AKR1C4: variants seen among roughly 807,000 people sequenced by gnomAD.
AKR1C4 encodes the protein 3-alpha-HSD1.
AKR1C4 carries 44 observed loss-of-function variants against 41.0 expected under a neutral mutation model. The observed-to-expected ratio is 1.07, with a 90% CI of 0.84 to 1.38. The LOEUF is 1.38. AKR1C4 is among the 40% of genes most tolerant of loss of function. The probability of loss-of-function intolerance (pLI) is 0.00; values close to 1 mark genes in which losing one functional copy is unlikely to be tolerated. For missense variants in AKR1C4, 438 were observed against 387.9 expected (o/e 1.13, Z -1.09); for synonymous variants, 165 against 137.7 (o/e 1.20, Z -1.39).
rs782642384 is a variant in AKR1C4 at position 5,196,931 on chromosome 10, G to A, written c.64G>A (p.Gly22Ser). The A allele has an allele frequency of 1.2e-6, 2 of 1,614,034 alleles. No individual in the cohort carries two copies. Among genetic ancestry groups the A allele is most frequent in the Non-Finnish European group, 1.7e-6 (2 of 1,179,916 alleles). ...DGHFMPVLGFGTYAPPEVPRN... is the reference protein window; with the variant it reads ...DGHFMPVLGFSTYAPPEVPRN... ...TCACTTCATGCCCGTATTGGGATTT[G>A]GCACCTATGCACCTCCAGAGGTAAT... Residue 22 changes from glycine to serine, a missense_variant, in exon 1 of 9, where the codon GGC becomes AGC. Coordinates refer to ENST00000263126, the MANE Select transcript of AKR1C4 (RefSeq NM_001818.5).
intron 2 of AKR1C4, chr10:5,202,450 C>T (rs1241086170): frequency 2.2e-6 from 1 of 455,792 alleles, no homozygotes; most frequent in South Asian, 1.6e-5. Context: ...TACTGGCAAA[C>T]AGCAATACTT....
intron 7 of AKR1C4, among the ~76,000 whole-genome samples, chr10:5,214,682 CTTT>C (rs112625012): frequency 0.11 from 17,159 of 152,064 alleles, 1,178 homozygotes; most frequent in Admixed American, 0.17. Flanking sequence ...CTTTGGATAA[CTTT>C]TTTTGAGAAT....
intron 8 of AKR1C4, 123 bp downstream of exon 8, chr10:5,216,916 ACT>A (rs1832665420): frequency 3.2e-6 from 2 of 620,382 alleles, no homozygotes; most frequent in East Asian, 5.9e-5. Flanking sequence ...TGAGACAGGA[ACT>A]CTCTGGAACT....
intron 5 of AKR1C4, among the ~76,000 whole-genome samples, chr10:5,211,202 C>T (rs559403295): frequency 3.9e-5 from 6 of 152,320 alleles, no homozygotes; most frequent in African/African-American, 1.2e-4. Flanking sequence ...AGACATTTTC[C>T]CCATTGTCTT....
chr10:5,205,531 C>T (rs1372549550), intron 3 of AKR1C4, among the ~76,000 whole-genome samples: 3 of 152,126 alleles, frequency 2.0e-5, no homozygotes, highest in Non-Finnish European at 2.9e-5. Context: ...CCATTAAAAC[C>T]TGTAAAATGG....
At chr10:5,210,413 G>T (rs962425011) in intron 5 of AKR1C4, among the ~76,000 whole-genome samples, 1 of 152,158 alleles carries the variant, frequency 6.6e-6, no homozygotes, top group Non-Finnish European at 1.5e-5. Flanking sequence ...TCTGGAGGAT[G>T]GTGGCCCTTT....
chr10:5,214,453 G>A (rs1832625163), intron 7 of AKR1C4, among the ~76,000 whole-genome samples: 1 of 152,136 alleles, frequency 6.6e-6, no homozygotes, highest in African/African-American at 2.4e-5. Flanking sequence ...CAACAAAAGG[G>A]CTAATATTTT....
In AKR1C4 at chr10:5,204,478, C is replaced by T. The variant is rs782452602; in HGVS notation, c.354C>T (p.Phe118=). The T allele has an allele frequency of 6.2e-7, 1 of 1,611,406 alleles. No individual in the cohort carries two copies. The highest frequency in any genetic ancestry group is 8.5e-7 in the Non-Finnish European group (1 of 1,177,606). The stretch of plus-strand genomic sequence containing the variant: ...ATGTTGACCTCTATCTTCTTCATTT[C>T]CCAATGGCTCTCAAGGTAGGGAATT... ...LDYVDLYLLH[F]PMALKPGETP... is the part of the protein sequence containing the mutation. The change falls in exon 3 of 9, where the codon TTC becomes TTT. Residue 118 remains phenylalanine (F), a synonymous_variant. Coordinates refer to ENST00000263126, the MANE Select transcript of AKR1C4 (RefSeq NM_001818.5).
chr10:5,218,592 C>T (rs1832690278), intron 8 of AKR1C4, 126 bp from the exon 9 acceptor site: 1 of 632,236 alleles, frequency 1.6e-6, no homozygotes, highest in Non-Finnish European at 2.7e-6. Flanking sequence ...AGACATTCTA[C>T]AAATAGTCCG....
At chr10:5,199,744 C>A (rs1267316799) in intron 1 of AKR1C4, among the ~76,000 whole-genome samples, 3 of 152,082 alleles carry the variant, frequency 2.0e-5, no homozygotes, top group South Asian at 4.2e-4. Context: ...TGACTTCCCC[C>A]CAAGCTACCT....
At chr10:5,211,607 G>A (rs1554797923) in intron 5 of AKR1C4, among the ~76,000 whole-genome samples, 1 of 152,136 alleles carries the variant, frequency 6.6e-6, no homozygotes, top group Admixed American at 6.5e-5. Flanking sequence ...AAGTCTCTAG[G>A]AAGTTCCGGA....
intron 5 of AKR1C4, chr10:5,207,717 G>A: frequency 1.8e-6 from 1 of 566,856 alleles, no homozygotes; most frequent in Non-Finnish European, 3.1e-6. Flanking sequence ...TGATAATGAA[G>A]AGAAAAATAT....
At position 5,209,558 on chromosome 10, in the gene AKR1C4, C is replaced by T. The variant is rs886689528; in HGVS notation, c.571-3058C>T. On this transcript the variant is annotated intron_variant, in intron 5 of 8. Transcript: ENST00000263126. Reference sequence around the variant, plus strand: ...TCCATTTTCATGCTACTGATAAAGACACATCCAAGACTGGGACTTATAGTT... The same window carrying T: ...TCCATTTTCATGCTACTGATAAAGATACATCCAAGACTGGGACTTATAGTT... Among the ~76,000 whole-genome samples, 32 of 152,062 alleles carry T rather than the reference C, an allele frequency of 2.1e-4. 1 individual carries two copies. The highest frequency in any genetic ancestry group is 7.2e-4 in the African/African-American group (30 of 41,386).
At chr10:5,210,672 C>T (rs530271219) in intron 5 of AKR1C4, among the ~76,000 whole-genome samples, 29 of 151,452 alleles carry the variant, frequency 1.9e-4, no homozygotes, top group Non-Finnish European at 2.4e-4. Flanking sequence ...AGTGCAATGG[C>T]GCTATCTCAG....
At chr10:5,214,917 ATT>A in intron 7 of AKR1C4, among the ~76,000 whole-genome samples, 1 of 152,216 alleles carries the variant, frequency 6.6e-6, no homozygotes, top group Middle Eastern at 3.4e-3. Context: ...TCAAGAAACT[ATT>A]TGTGTTCTTT....
intron 7 of AKR1C4, among the ~76,000 whole-genome samples, chr10:5,213,624 A>G (rs1289339554): frequency 3.3e-5 from 5 of 152,196 alleles, no homozygotes; most frequent in Admixed American, 2.6e-4. Flanking sequence ...GATCATAATT[A>G]TACTGAGTAA....
chr10:5,205,949 T>C lies in AKR1C4; in HGVS notation c.447+115T>C, dbSNP rs185263385. ...CCATTGGAACTAGAAATTAAGGAGC[T>C]TGACAAAGGAAGTTTTGCTGAGTGG... On this transcript the variant is annotated intron_variant, in intron 4 of 8. Coordinates refer to ENST00000263126, the MANE Select transcript of AKR1C4 (RefSeq NM_001818.5). The C allele has an allele frequency of 3.2e-4, 374 of 1,162,638 alleles. 2 individuals carry two copies. In the African/African-American group the frequency reaches 5.2e-3, roughly 16 times the overall value. The allele number at this position is 1,162,638 out of a possible 1,614,324, so 72.0% of individuals were successfully genotyped here. A position where few individuals can be genotyped will look rare whatever the true frequency, so the allele number is the denominator to read the frequency against.
intron 7 of AKR1C4, 53 bp from the exon 8 acceptor site, chr10:5,216,658 C>A: frequency 7.1e-7 from 1 of 1,408,918 alleles, no homozygotes; most frequent in Non-Finnish European, 9.9e-7. Flanking sequence ...CTTGGCTATT[C>A]CAAGTTGACA....
rs782425486 is a variant in AKR1C4 at position 5,205,837 on chromosome 10, G to A, written c.447+3G>A. The A allele has an allele frequency of 1.9e-6, 3 of 1,611,844 alleles. No individual in the cohort carries two copies. The highest frequency in any genetic ancestry group is 1.1e-5 in the South Asian group (1 of 90,850). On this transcript the variant is annotated splice_donor_region_variant and intron_variant, in intron 4 of 8. Coordinates refer to ENST00000263126, the MANE Select transcript of AKR1C4 (RefSeq NM_001818.5). ...TGGATCTCTCTGCCACATGGGAGGT[G>A]AGTGCTTGGAGGACAGAGTACAGAA... is the stretch of plus-strand genomic sequence containing the variant.
Sources: gnomAD v4.1 joint callset for allele counts (sites outside exome capture counted in the v4.1 genomes callset) on GRCh38, gnomAD v4.1.1 for gene constraint, MANE v1.5 for transcripts, NCBI Gene and HGNC (gene_info 2026-07-23, HGNC 2026-07-21) for gene names.